KDM4B: variants seen among roughly 807,000 people sequenced by gnomAD.
The protein encoded by KDM4B is lysine-specific demethylase 4B.
KDM4B carries 32 observed loss-of-function variants against 125.2 expected under a neutral mutation model. The observed-to-expected ratio is 0.26, with a 90% CI of 0.19 to 0.34. The LOEUF is 0.34. KDM4B is among the 10% of genes least tolerant of loss of function. The probability of loss-of-function intolerance (pLI) is 1.00; values close to 1 mark genes in which losing one functional copy is unlikely to be tolerated. For synonymous variants in KDM4B, 721 were observed against 677.9 expected (o/e 1.06, Z -0.99); for missense variants, 1,190 against 1,577.7 (o/e 0.75, Z 4.16).
chr19:5,128,870 G>T (rs1193006260), intron 11 of KDM4B, among the ~76,000 whole-genome samples: 8 of 143,286 alleles, frequency 5.6e-5, no homozygotes, highest in South Asian at 2.5e-4. Flanking sequence ...CGGGGGGGGG[G>T]GTCATATAAC....
At chr19:5,028,413 T>C (rs1028190092) in intron 2 of KDM4B, among the ~76,000 whole-genome samples, 3 of 152,232 alleles carry the variant, frequency 2.0e-5, no homozygotes, top group Non-Finnish European at 4.4e-5. Flanking sequence ...CAGAGCCTCG[T>C]TGCTTTTCAT....
At chr19:5,067,903 G>A (rs1285313847) in intron 6 of KDM4B, among the ~76,000 whole-genome samples, 4 of 152,220 alleles carry the variant, frequency 2.6e-5, no homozygotes, top group Middle Eastern at 3.4e-3. Flanking sequence ...GATTTTGGCC[G>A]TGAAGTTTGA....
At chr19:5,138,298 C>T in intron 18 of KDM4B, 1 of 554,580 alleles carries the variant, frequency 1.8e-6, no homozygotes, top group Admixed American at 3.3e-5. Context: ...TCAAGGGTGG[C>T]AGAGATAAGC....
In KDM4B at chr19:5,150,459, G is replaced by A. The variant is rs774107954; in HGVS notation, c.3114+9G>A. 1.4e-5 allele frequency: 22 copies of A among 1,545,796 alleles called. No individual in the cohort carries two copies. The highest frequency in any genetic ancestry group is 3.6e-4 in the Middle Eastern group (2 of 5,558). The stretch of plus-strand genomic sequence containing the variant: ...GGGTCCGCTCTCGGCTGGTGAGTGC[G>A]CGAGGCTGGCCTGGTGGCTCCGGGT... On this transcript the variant is annotated intron_variant, in intron 22 of 22. Transcript: ENST00000159111.
At chr19:5,086,691 G>A (rs1003241624) in intron 9 of KDM4B, among the ~76,000 whole-genome samples, 19 of 152,122 alleles carry the variant, frequency 1.2e-4, no homozygotes, top group Non-Finnish European at 8.8e-5. Context: ...GGGCTGCTCC[G>A]AAAGCAGGTT....
At chr19:5,011,373 T>G (rs2035722426) in intron 1 of KDM4B, among the ~76,000 whole-genome samples, 1 of 152,310 alleles carries the variant, frequency 6.6e-6, no homozygotes, top group Non-Finnish European at 1.5e-5. Context: ...CATCTCACTG[T>G]CTCTTTTCCA....
intron 1 of KDM4B, among the ~76,000 whole-genome samples, chr19:5,010,820 G>T (rs970651420): frequency 6.6e-6 from 1 of 152,074 alleles, no homozygotes; most frequent in Admixed American, 6.5e-5. Context: ...GCTAATTTTT[G>T]TATTTTTAGT....
intron 21 of KDM4B, among the ~76,000 whole-genome samples, chr19:5,147,537 G>A (rs1186843297): frequency 6.6e-6 from 1 of 152,086 alleles, no homozygotes; most frequent in Non-Finnish European, 1.5e-5. Flanking sequence ...TTGAGCACAG[G>A]GGTTCGAGAC....
chr19:4,969,205 G>C lies in KDM4B; in HGVS notation c.-134G>C, dbSNP rs1242321494. On this transcript the variant is annotated 5_prime_UTR_variant, in exon 1 of 23. Coordinates refer to ENST00000159111, the MANE Select transcript of KDM4B (RefSeq NM_015015.3). ...CGGGGGAGAGCGCGCCGCTGCTCCC[G>C]GACCGGGCCGCGCACGCCGCCTCAG... The C allele has an allele frequency of 6.7e-6, 1 of 149,284 alleles. No homozygotes were observed. Among genetic ancestry groups the C allele is most frequent in the Non-Finnish European group, 1.5e-5 (1 of 67,070 alleles). 9.2% of individuals were successfully genotyped at this position (149,284 alleles called of 1,614,324 possible). A position where few individuals can be genotyped will look rare whatever the true frequency, so the allele number is the denominator to read the frequency against.
chr19:5,048,377 C>G (rs999036246), intron 6 of KDM4B, among the ~76,000 whole-genome samples: 1 of 152,218 alleles, frequency 6.6e-6, no homozygotes, highest in Admixed American at 6.5e-5. Context: ...CCTGTGTCAC[C>G]GGGCTCTGCT....
chr19:5,131,054 C>T, intron 11 of KDM4B, 22 bp from the exon 12 acceptor site: 5 of 1,479,506 alleles, frequency 3.4e-6, no homozygotes, highest in South Asian at 2.8e-5. Context: ...TCCTCCCTGA[C>T]CTCCCTCTCC....
In KDM4B at chr19:4,985,254, G is replaced by A. The variant is rs112189604; in HGVS notation, c.-109+16024G>A. On this transcript the variant is annotated intron_variant, in intron 1 of 22. Coordinates refer to ENST00000159111, the MANE Select transcript of KDM4B (RefSeq NM_015015.3). ...CAGGAGAATCTCTTGAGCCTGTGAA[G>A]TGGAGGTTGCAGTGAGCCGAGATCG... Among the ~76,000 whole-genome samples, 663 of 152,292 alleles carry A rather than the reference G, an allele frequency of 4.4e-3. 9 individuals carry two copies. The highest frequency in any genetic ancestry group is 0.015 in the African/African-American group (628 of 41,562).
rs976910683 is a variant in KDM4B at position 5,137,569 on chromosome 19, G to A, written c.2386-52G>A. 16 of 1,543,482 alleles carry A rather than the reference G, an allele frequency of 1.0e-5. No homozygotes were observed. In the African/African-American group the frequency reaches 1.6e-4, roughly 16 times the overall value. On this transcript the variant is annotated intron_variant, in intron 16 of 22. Coordinates refer to ENST00000159111, the MANE Select transcript of KDM4B (RefSeq NM_015015.3). ...TGGCAGATCAGGCCCCAAGCAGTGT[G>A]TGGGGAGCCTGCTCCGAGCCCTGCT...
chr19:5,039,753 C>G, intron 3 of KDM4B, 83 bp from the exon 4 acceptor site: 2 of 1,475,828 alleles, frequency 1.4e-6, no homozygotes, highest in Non-Finnish European at 1.8e-6. Flanking sequence ...GTGCTGGTCT[C>G]TGGGGAGCCG....
intron 2 of KDM4B, among the ~76,000 whole-genome samples, chr19:5,028,652 G>C (rs1186532583): frequency 6.6e-6 from 1 of 152,188 alleles, no homozygotes; most frequent in Non-Finnish European, 1.5e-5. Flanking sequence ...GAGCTGCCAA[G>C]CTGTCTTGCA....
chr19:5,068,587 G>A (rs545264476), intron 6 of KDM4B, among the ~76,000 whole-genome samples: 1 of 152,258 alleles, frequency 6.6e-6, no homozygotes, highest in East Asian at 1.9e-4. Flanking sequence ...TGTCCTTGGG[G>A]GTGGCCGGGA....
chr19:5,029,013 C>T (rs571748332), intron 2 of KDM4B, among the ~76,000 whole-genome samples: 33 of 152,298 alleles, frequency 2.2e-4, no homozygotes, highest in South Asian at 4.1e-4. Context: ...CCAGCTCAAG[C>T]GATTCTCCTG....
intron 7 of KDM4B, chr19:5,077,074 G>A (rs907639529): frequency 4.1e-5 from 17 of 410,378 alleles, no homozygotes; most frequent in Middle Eastern, 1.3e-3. Context: ...GGGCAGAGAC[G>A]AGACCAGGCA....
chr19:5,057,194 C>T (rs1044462260), intron 6 of KDM4B, among the ~76,000 whole-genome samples: 12 of 152,162 alleles, frequency 7.9e-5, no homozygotes, highest in East Asian at 1.9e-4. Flanking sequence ...GGCTTCCTCC[C>T]GGCTCTGCTG....
Sources: gnomAD v4.1 joint callset for allele counts (sites outside exome capture counted in the v4.1 genomes callset) on GRCh38, gnomAD v4.1.1 for gene constraint, MANE v1.5 for transcripts, NCBI Gene and HGNC (gene_info 2026-07-23, HGNC 2026-07-21) for gene names.